TJP1: variants seen among roughly 807,000 people sequenced by gnomAD.
The protein encoded by TJP1 is tight junction protein 1, also known as tight junction protein ZO-1.
TJP1 carries 43 observed loss-of-function variants against 194.2 expected under a neutral mutation model. That is an observed-to-expected ratio of 0.22 (90% CI 0.17 to 0.29). TJP1 has a LOEUF of 0.29. Among genes scored for constraint, TJP1 ranks in the 10% least tolerant of loss-of-function variants. TJP1 has a pLI of 1.00. For missense variants in TJP1, 1,971 were observed against 2,185.7 expected, an observed-to-expected ratio of 0.90 and a Z score of 1.96; for synonymous variants, 801 against 779.0, an observed-to-expected ratio of 1.03 and a Z score of -0.47.
intron 2 of TJP1, among the ~76,000 whole-genome samples, chr15:29,827,856 G>C (rs1274372112): frequency 6.6e-6 from 1 of 152,086 alleles, no homozygotes; most frequent in East Asian, 1.9e-4. Context: ...TGCAGATACT[G>C]TTCTGTCAGT....
chr15:29,711,823 C>A (rs540355476), intron 23 of TJP1, among the ~76,000 whole-genome samples: 7 of 152,282 alleles, frequency 4.6e-5, no homozygotes, highest in Non-Finnish European at 1.0e-4. Context: ...TAGAACTATT[C>A]AAATTATGCG....
At position 29,796,340 on chromosome 15, in the gene TJP1, T is replaced by TAA. The variant is rs535486616; in HGVS notation, c.84+4304_84+4305dup. On this transcript the variant is annotated intron_variant, in intron 2 of 27. Coordinates refer to ENST00000614355, the MANE Select transcript of TJP1 (RefSeq NM_001330239.4). ...TAATTTTAAGACTGCAAGGTTGCTA[T>TAA]AAAAAAAAAAACAAAAAAAAACCTG... 1.3e-3 allele frequency among the ~76,000 whole-genome samples: 107 copies of TAA among 83,138 alleles called. 1 individual carries two copies. In the East Asian group the frequency reaches 0.019, roughly 15 times the overall value. 54.5% of individuals were successfully genotyped at this position (83,138 alleles called of 152,430 possible).
chr15:29,700,192 A>G lies in TJP1; in HGVS notation c.*1403T>C. 2.5e-6 allele frequency: 1 copy of G among 398,916 alleles called. No homozygotes were observed. Among genetic ancestry groups the G allele is most frequent in the Non-Finnish European group, 4.4e-6 (1 of 226,000 alleles). The allele number at this position is 398,916 out of a possible 1,614,324, so 24.7% of individuals were successfully genotyped here. On this transcript the variant is annotated 3_prime_UTR_variant, in exon 28 of 28. Coordinates refer to ENST00000614355, the MANE Select transcript of TJP1 (RefSeq NM_001330239.4). ...TTTATTTTGGAGATTTAGAAATTTG[A>G]GATTTTTAATAACGGCAAAAGAAAT...
chr15:29,956,889 A>G (rs2055965009), intron 1 of TJP1, among the ~76,000 whole-genome samples: 3 of 121,040 alleles, frequency 2.5e-5, no homozygotes, highest in Non-Finnish European at 5.4e-5. Flanking sequence ...CTCATTTATA[A>G]GGTTTTTTTT....
At position 29,738,913 on chromosome 15, in the gene TJP1, C is replaced by T. The variant is rs550399292; in HGVS notation, c.1257-1499G>A. On this transcript the variant is annotated intron_variant, in intron 10 of 27. Transcript: ENST00000614355. ...AAAAAATTAGCTGGGTTTCGTGGCT[C>T]GTTGCCTATAGTCCTAGCTACTCCG... 5.4e-5 allele frequency among the ~76,000 whole-genome samples: 8 copies of T among 147,860 alleles called. 1 individual carries two copies. The highest frequency in any genetic ancestry group is 2.2e-4 in the South Asian group (1 of 4,580).
upstream of TJP1, among the ~76,000 whole-genome samples, chr15:29,826,155 A>G (rs1230607751): frequency 3.6e-5 from 3 of 83,306 alleles, no homozygotes; most frequent in East Asian, 1.3e-3. Flanking sequence ...TTTTTTTTTA[A>G]AAAGAAGACA....
At chr15:29,959,042 T>C (rs2056058927) in intron 1 of TJP1, among the ~76,000 whole-genome samples, 1 of 151,416 alleles carries the variant, frequency 6.6e-6, no homozygotes, top group Non-Finnish European at 1.5e-5. Flanking sequence ...CAGGCTGGAG[T>C]GCAGCGGCGC....
intron 11 of TJP1, among the ~76,000 whole-genome samples, chr15:29,737,048 C>T (rs375432151): frequency 1.3e-5 from 2 of 152,174 alleles, no homozygotes; most frequent in East Asian, 3.9e-4. Flanking sequence ...TTTACTAACA[C>T]AAAATATAGC....
At chr15:29,707,306 G>T (rs1237808062) in intron 25 of TJP1, among the ~76,000 whole-genome samples, 1 of 152,204 alleles carries the variant, frequency 6.6e-6, no homozygotes, top group Non-Finnish European at 1.5e-5. Flanking sequence ...AAGGTGAGCA[G>T]AAAGACCAAC....
rs143010082 is a variant in TJP1 at position 29,877,784 on chromosome 15, G to T, written c.307-77082C>A. On this transcript the variant is annotated intron_variant, in intron 2 of 28. Transcript: ENST00000356107. ...AGCCATTCTCTTGCCTCAGTCTCCC[G>T]AGTAGCTGGGATTACTGGGATTACA... is the stretch of plus-strand genomic sequence containing the variant. Among the ~76,000 whole-genome samples, 198 of 149,514 alleles carry T rather than the reference G, an allele frequency of 1.3e-3. 1 individual carries two copies. Among genetic ancestry groups the T allele is most frequent in the Middle Eastern group, 0.011 (3 of 274 alleles).
intron 2 of TJP1, among the ~76,000 whole-genome samples, chr15:29,925,221 T>C (rs942262745): frequency 6.6e-6 from 1 of 152,234 alleles, no homozygotes; most frequent in African/African-American, 2.4e-5. Flanking sequence ...AGGCTGGGTA[T>C]GCAAAATTTA....
At chr15:29,878,044 T>G in intron 2 of TJP1, among the ~76,000 whole-genome samples, 1 of 82,380 alleles carries the variant, frequency 1.2e-5, no homozygotes, top group East Asian at 2.5e-4. Flanking sequence ...AAGTATAGTT[T>G]TTGTTTGTTT....
intron 1 of TJP1, among the ~76,000 whole-genome samples, chr15:29,966,319 A>G (rs1012701575): frequency 6.6e-6 from 1 of 152,090 alleles, no homozygotes; most frequent in Non-Finnish European, 1.5e-5. Context: ...CCTGACCAAC[A>G]TGGTAATGCC....
At chr15:29,916,431 C>T (rs1354562218) in intron 2 of TJP1, among the ~76,000 whole-genome samples, 1 of 151,844 alleles carries the variant, frequency 6.6e-6, no homozygotes, top group Non-Finnish European at 1.5e-5. Context: ...ACTGGATTTC[C>T]TGAATGGGTA....
rs947358325 is a variant in TJP1, at chr15:29,822,238, G to T, written c.-210C>A. The T allele has an allele frequency of 1.7e-6, 2 of 1,175,096 alleles. No homozygotes were observed. The highest frequency in any genetic ancestry group is 2.1e-6 in the Non-Finnish European group (2 of 951,356). 72.8% of individuals were successfully genotyped at this position (1,175,096 alleles called of 1,614,324 possible). The stretch of plus-strand genomic sequence containing the variant: ...CCCGCCCCGCCCGGGTCTTCTCCAC[G>T]GGGCGCGCCCGACCGGCACCTCCCT... On this transcript the variant is annotated 5_prime_UTR_variant, in exon 1 of 28. Transcript: ENST00000614355.
chr15:29,733,407 T>C (rs925415838), intron 12 of TJP1, 94 bp from the exon 13 acceptor site: 68 of 858,414 alleles, frequency 7.9e-5, no homozygotes, highest in South Asian at 1.9e-4. Flanking sequence ...ATAATATCAA[T>C]AATAATATCC....
chr15:29,776,389 G>C (rs1444583458), intron 2 of TJP1, among the ~76,000 whole-genome samples: 1 of 152,140 alleles, frequency 6.6e-6, no homozygotes, highest in Non-Finnish European at 1.5e-5. Context: ...TAAGTATGTT[G>C]CTTTTTGTTA....
chr15:29,968,197 C>A lies in TJP1; in HGVS notation c.173+470G>T, dbSNP rs2056395653. The stretch of plus-strand genomic sequence containing the variant: ...TAATTTCCCAACTTATTCCCCTTGC[C>A]TTGCTCGTCCTCTACTATGCACTCA... On this transcript the variant is annotated intron_variant, in intron 1 of 28. Transcript: ENST00000356107. The A allele has an allele frequency of 2.0e-6, 2 of 985,346 alleles. 1 individual carries two copies. Among genetic ancestry groups the A allele is most frequent in the Non-Finnish European group, 2.4e-6 (2 of 829,942 alleles). The allele number at this position is 985,346 out of a possible 1,614,324, so 61.0% of individuals were successfully genotyped here.
intron 8 of TJP1, among the ~76,000 whole-genome samples, chr15:29,744,136 G>A (rs2044609962): frequency 2.0e-5 from 3 of 152,134 alleles, no homozygotes; most frequent in African/African-American, 7.2e-5. Flanking sequence ...CCAAGATCGT[G>A]CCACTGCACT....
Sources: gnomAD v4.1 joint callset for allele counts (sites outside exome capture counted in the v4.1 genomes callset) on GRCh38, gnomAD v4.1.1 for gene constraint, MANE v1.5 for transcripts, NCBI Gene and HGNC (gene_info 2026-07-23, HGNC 2026-07-21) for gene names.